The following HTT-AS variants were observed in gnomAD, a reference collection of about 807,000 sequenced individuals.
HTT-AS encodes the protein HTT antisense RNA, also known as HTT antisense RNA (head to head).
At chr4:3,066,489 A>G (rs1175742910) in intron 1 of HTT-AS, among the ~76,000 whole-genome samples, 2 of 152,158 alleles carry the variant, frequency 1.3e-5, no homozygotes, top group African/African-American at 4.8e-5. Context: ...TCTTGAGCAT[A>G]GGGGACTAAA....
intron 2 of HTT-AS, among the ~76,000 whole-genome samples, chr4:3,059,381 A>G (rs1361530026): frequency 6.6e-6 from 1 of 151,116 alleles, no homozygotes; most frequent in Non-Finnish European, 1.5e-5. Context: ...GACCTGCACC[A>G]TTTGTGAATT....
exon 2 of HTT-AS, among the ~76,000 whole-genome samples, chr4:3,062,599 T>C (rs922335723): frequency 3.3e-5 from 5 of 152,106 alleles, no homozygotes; most frequent in African/African-American, 1.2e-4. Flanking sequence ...TCACTTCTCC[T>C]GTGCGCTGAT....
At chr4:3,056,446 T>C (rs1711805817) in intron 2 of HTT-AS, among the ~76,000 whole-genome samples, 3 of 152,214 alleles carry the variant, frequency 2.0e-5, no homozygotes, top group Non-Finnish European at 4.4e-5. Context: ...GCTGCTGGGA[T>C]TGGCAAAGAC....
intron 2 of HTT-AS, among the ~76,000 whole-genome samples, chr4:3,050,941 A>G (rs1422766698): frequency 2.6e-5 from 4 of 152,148 alleles, no homozygotes; most frequent in African/African-American, 4.8e-5. Context: ...CCTATCAAAT[A>G]TATTAAAGGT....
At chr4:3,048,290 G>C (rs569394534), downstream of HTT-AS, among the ~76,000 whole-genome samples, 14 of 152,164 alleles carry the variant, frequency 9.2e-5, no homozygotes, top group Non-Finnish European at 2.1e-4. Context: ...TGGGTTTCTG[G>C]TCTCAGCACG....
chr4:3,074,473 G>C (rs1470348509), exon 1 of HTT-AS: 2 of 224,174 alleles, frequency 8.9e-6, no homozygotes, highest in Non-Finnish European at 1.7e-5. Flanking sequence ...TGAGCCCCGC[G>C]CCTTCGCCCG....
intron 2 of HTT-AS, among the ~76,000 whole-genome samples, chr4:3,061,799 A>G (rs1406700909): frequency 2.0e-5 from 3 of 149,326 alleles, no homozygotes; most frequent in Non-Finnish European, 4.5e-5. Context: ...GGCTAACATG[A>G]TGAAACCCCA....
chr4:3,047,582 T>A (rs777956781), downstream of HTT-AS, among the ~76,000 whole-genome samples: 1 of 152,118 alleles, frequency 6.6e-6, no homozygotes, highest in Admixed American at 6.5e-5. Flanking sequence ...GGCTCCCTGG[T>A]CTAGTGGTAA....
intron 1 of HTT-AS, among the ~76,000 whole-genome samples, chr4:3,071,799 A>G (rs993140050): frequency 2.6e-5 from 4 of 152,062 alleles, no homozygotes; most frequent in African/African-American, 4.8e-5. Context: ...GCTCAGAGGG[A>G]CGGCCACGTG....
At chr4:3,071,009 A>G (rs557132418) in intron 1 of HTT-AS, among the ~76,000 whole-genome samples, 2 of 152,288 alleles carry the variant, frequency 1.3e-5, no homozygotes, top group African/African-American at 4.8e-5. Context: ...TTGACAGTCC[A>G]TTTCTGTAAG....
chr4:3,069,859 G>A (rs1712130595), intron 1 of HTT-AS: 1 of 152,468 alleles, frequency 6.6e-6, no homozygotes, highest in Non-Finnish European at 1.5e-5. Flanking sequence ...CTCAGGGGTG[G>A]GGCTGGAGGC....
intron 1 of HTT-AS, among the ~76,000 whole-genome samples, chr4:3,064,484 T>C (rs1454828484): frequency 1.3e-5 from 2 of 152,126 alleles, no homozygotes; most frequent in Admixed American, 1.3e-4. Flanking sequence ...AAAAATTAAT[T>C]TCAAGGGGAG....
intron 2 of HTT-AS, among the ~76,000 whole-genome samples, chr4:3,056,331 G>A (rs1477735418): frequency 6.6e-6 from 1 of 152,178 alleles, no homozygotes; most frequent in Non-Finnish European, 1.5e-5. Context: ...GACAAAAAAC[G>A]GGAAGTGACG....
At chr4:3,063,054 C>CG (rs1711974688) in exon 2 of HTT-AS, among the ~76,000 whole-genome samples, 1 of 152,026 alleles carries the variant, frequency 6.6e-6, no homozygotes, top group East Asian at 1.9e-4. Context: ...AGTAGGGGGT[C>CG]GGAGACACGA....
chr4:3,055,805 C>T (rs1002881251), intron 2 of HTT-AS, among the ~76,000 whole-genome samples: 10 of 152,136 alleles, frequency 6.6e-5, no homozygotes, highest in Admixed American at 1.3e-4. Context: ...AACATCCCCA[C>T]GAATTTTCAA....
At chr4:3,047,128 G>A (rs187962120), downstream of HTT-AS, among the ~76,000 whole-genome samples, 282 of 152,244 alleles carry the variant, frequency 1.9e-3, 2 homozygotes, top group Admixed American at 3.7e-3. Flanking sequence ...TGGCTAACAC[G>A]GTGAAACCCC....
intron 1 of HTT-AS, among the ~76,000 whole-genome samples, chr4:3,071,861 A>G (rs1712180729): frequency 6.6e-6 from 1 of 152,158 alleles, no homozygotes; most frequent in Admixed American, 6.5e-5. Context: ...GCTCAGGGGA[A>G]ACCAACCTTG....
intron 2 of HTT-AS, among the ~76,000 whole-genome samples, chr4:3,051,159 A>G (rs1051703672): frequency 6.6e-6 from 1 of 151,378 alleles, no homozygotes; most frequent in Admixed American, 6.6e-5. Flanking sequence ...TCTGCCTCCC[A>G]GGTTCAAGTA....
chr4:3,046,235 T>G (rs960863656), downstream of HTT-AS, among the ~76,000 whole-genome samples: 1 of 152,182 alleles, frequency 6.6e-6, no homozygotes, highest in African/African-American at 2.4e-5. Flanking sequence ...GGATACCTCG[T>G]GGTCAGAACA....
Sources: gnomAD v4.1 joint callset for allele counts (sites outside exome capture counted in the v4.1 genomes callset) on GRCh38, gnomAD v4.1.1 for gene constraint, MANE v1.5 for transcripts, NCBI Gene and HGNC (gene_info 2026-07-23, HGNC 2026-07-21) for gene names.